Variants in KLHL29 observed in about 807,000 individuals in gnomAD.
The protein encoded by KLHL29 is kelch like family member 29.
In KLHL29, 21 loss-of-function variants were observed where a neutral mutation model predicts 80.4. The ratio of observed to expected loss-of-function variants is 0.26; its 90% CI spans 0.19 to 0.38. The LOEUF (loss-of-function observed/expected upper bound fraction) is 0.38, where lower values mean the gene tolerates loss of function less well. Ranked by LOEUF, KLHL29 falls within the 10% of genes least tolerant of loss-of-function variation. The pLI is 1.00. For missense variants in KLHL29, 867 were observed against 1,223.9 expected (o/e 0.71, Z 4.35); for synonymous variants, 511 against 526.8 (o/e 0.97, Z 0.41).
chr2:23,571,466 TCA>T (rs1384863740), intron 3 of KLHL29, among the ~76,000 whole-genome samples: 1 of 152,108 alleles, frequency 6.6e-6, no homozygotes, highest in Non-Finnish European at 1.5e-5. Context: ...CCTCGCAGGC[TCA>T]GAGAAAAGTG....
intron 1 of KLHL29, among the ~76,000 whole-genome samples, chr2:23,431,040 G>T (rs6727901): frequency 9.9e-5 from 15 of 152,058 alleles, no homozygotes; most frequent in African/African-American, 3.4e-4. Context: ...TCCTTTCTCC[G>T]TGCTGTGCAG....
At chr2:23,530,461 C>T (rs991202894) in intron 2 of KLHL29, among the ~76,000 whole-genome samples, 15 of 152,172 alleles carry the variant, frequency 9.9e-5, no homozygotes, top group Admixed American at 2.0e-4. Context: ...GCCATCTGCA[C>T]GGTGAATAAA....
chr2:23,617,372 A>C (rs1358710696), intron 3 of KLHL29: 1 of 152,278 alleles, frequency 6.6e-6, no homozygotes, highest in Non-Finnish European at 1.5e-5. Context: ...CCCTCTGTCC[A>C]GCTGGCTTTG....
At chr2:23,519,760 G>A (rs1310491646) in intron 2 of KLHL29, among the ~76,000 whole-genome samples, 2 of 152,068 alleles carry the variant, frequency 1.3e-5, no homozygotes, top group South Asian at 2.1e-4. Flanking sequence ...GAAGTATATC[G>A]GTTCTGTCTG....
chr2:23,658,856 C>G (rs751619970), intron 5 of KLHL29, among the ~76,000 whole-genome samples: 8 of 152,192 alleles, frequency 5.3e-5, no homozygotes, highest in Non-Finnish European at 7.3e-5. Flanking sequence ...AACCAGGTCT[C>G]CTCAGGAGAG....
At chr2:23,639,665 C>T (rs11682726) in intron 4 of KLHL29, among the ~76,000 whole-genome samples, 14,268 of 120,946 alleles carry the variant, frequency 0.12, 1,666 homozygotes, top group East Asian at 0.57. Flanking sequence ...GTGTTCTACC[C>T]TCGGGGACTG....
intron 3 of KLHL29, among the ~76,000 whole-genome samples, chr2:23,574,433 C>A (rs959220517): frequency 1.3e-5 from 2 of 152,162 alleles, no homozygotes; most frequent in African/African-American, 4.8e-5. Context: ...GTCCACCTCA[C>A]CGGGCTGTTG....
At chr2:23,693,081 G>C (rs1671723538) in intron 7 of KLHL29, among the ~76,000 whole-genome samples, 188 bp from the exon 8 acceptor site, 1 of 152,140 alleles carries the variant, frequency 6.6e-6, no homozygotes, top group Non-Finnish European at 1.5e-5. Context: ...AAATGGGGTA[G>C]GGGAGAACCC....
At chr2:23,649,433 C>T (rs1013012774) in intron 5 of KLHL29, among the ~76,000 whole-genome samples, 6 of 152,196 alleles carry the variant, frequency 3.9e-5, no homozygotes, top group East Asian at 1.9e-4. Flanking sequence ...CAGGGCTTAA[C>T]GGTTTTGTTA....
At chr2:23,620,257 G>C (rs1474288636) in intron 3 of KLHL29, among the ~76,000 whole-genome samples, 3 of 152,206 alleles carry the variant, frequency 2.0e-5, no homozygotes, top group African/African-American at 7.2e-5. Context: ...GGGCCCATCA[G>C]GGAGTTGGCA....
At chr2:23,606,359 G>C (rs1453785852) in intron 3 of KLHL29, among the ~76,000 whole-genome samples, 1 of 152,048 alleles carries the variant, frequency 6.6e-6, no homozygotes, top group Non-Finnish European at 1.5e-5. Flanking sequence ...AGGGGTCTCT[G>C]GCCTCCTTTG....
intron 5 of KLHL29, among the ~76,000 whole-genome samples, chr2:23,679,051 TAAA>T (rs56061720): frequency 4.9e-5 from 7 of 141,744 alleles, no homozygotes; most frequent in Non-Finnish European, 6.1e-5. Context: ...TTACCACAAC[TAAA>T]AAAAAAAAAA....
chr2:23,534,981 T>C (rs972550464), intron 2 of KLHL29, among the ~76,000 whole-genome samples: 1 of 152,196 alleles, frequency 6.6e-6, no homozygotes, highest in Admixed American at 6.5e-5. Context: ...TCTGGGCTGA[T>C]GGAAATGGTC....
rs112291877 is a variant in KLHL29, at chr2:23,499,747, C to T, written c.-46+24080C>T. The stretch of plus-strand genomic sequence containing the variant: ...AGAGTCTGCCAGACCCCAGGGCAGT[C>T]TCTCAGGAGATGAGGGAGGAGTGGG... On this transcript the variant is annotated intron_variant, in intron 2 of 13. Coordinates refer to ENST00000486442, the MANE Select transcript of KLHL29 (RefSeq NM_052920.2). Among the ~76,000 whole-genome samples, 974 of 152,322 alleles carry T rather than the reference C, an allele frequency of 6.4e-3. 12 individuals are homozygous for T. Among genetic ancestry groups the T allele is most frequent in the African/African-American group, 0.022 (919 of 41,566 alleles).
intron 2 of KLHL29, among the ~76,000 whole-genome samples, chr2:23,527,134 C>T (rs1404488299): frequency 6.6e-6 from 1 of 152,186 alleles, no homozygotes; most frequent in Non-Finnish European, 1.5e-5. Flanking sequence ...TGAAACCAGG[C>T]TCCTTAACAT....
intron 1 of KLHL29, among the ~76,000 whole-genome samples, chr2:23,419,278 T>C (rs1165769712): frequency 6.6e-6 from 1 of 152,224 alleles, no homozygotes. Flanking sequence ...CCCTGCCTTC[T>C]GTTTCTCTCC....
At chr2:23,389,101 G>C (rs1197617700) in intron 1 of KLHL29, among the ~76,000 whole-genome samples, 1 of 149,880 alleles carries the variant, frequency 6.7e-6, no homozygotes. Context: ...GAGCAGGTCT[G>C]TCCTGGGGTC....
intron 1 of KLHL29, among the ~76,000 whole-genome samples, chr2:23,386,219 C>T (rs1365167869): frequency 1.3e-5 from 2 of 152,036 alleles, no homozygotes; most frequent in Non-Finnish European, 2.9e-5. Flanking sequence ...GGGCTGGCCC[C>T]CAGGGGCGGC....
intron 2 of KLHL29, chr2:23,532,441 C>T (rs968279507): frequency 9.7e-5 from 39 of 400,000 alleles, no homozygotes; most frequent in South Asian, 5.0e-4. Flanking sequence ...GGGGAGCCCA[C>T]GCACCCTCTG....
Sources: allele counts gnomAD v4.1 joint callset (sites outside exome capture counted in the v4.1 genomes callset), GRCh38; gene constraint gnomAD v4.1.1; transcripts MANE v1.5; gene names NCBI Gene and HGNC (gene_info 2026-07-23, HGNC 2026-07-21).